HDAC9: variants seen among roughly 807,000 people sequenced by gnomAD.
The protein encoded by HDAC9 is MEF-2 interacting transcription repressor (MITR) protein.
Under a neutral mutation model 139.4 loss-of-function variants are expected in HDAC9, and 41 were observed. The ratio of observed to expected loss-of-function variants is 0.29; its 90% CI spans 0.23 to 0.38. The LOEUF (loss-of-function observed/expected upper bound fraction) is 0.38, where lower values mean the gene tolerates loss of function less well. Among genes scored for constraint, HDAC9 ranks in the 10% least tolerant of loss-of-function variants. HDAC9 has a pLI of 1.00. For synonymous variants in HDAC9, 517 were observed against 476.2 expected, an observed-to-expected ratio of 1.09 and a Z score of -1.12; for missense variants, 1,147 against 1,297.0, an observed-to-expected ratio of 0.88 and a Z score of 1.78.
chr7:18,306,469 G>A (rs967873690), intron 1 of HDAC9, among the ~76,000 whole-genome samples: 2 of 152,190 alleles, frequency 1.3e-5, no homozygotes, highest in African/African-American at 4.8e-5. Context: ...TGTTTACATG[G>A]TTTTGAAGTA....
In HDAC9 at chr7:18,765,449, G is replaced by A. The variant is rs144660476; in HGVS notation, c.2165-1657G>A. On this transcript the variant is annotated intron_variant, in intron 15 of 25. Transcript: ENST00000686413. ...AGGCTGGCAAACATGGTGAAACCCCGTCTCTACTAAAAATACAAAAATTAG... is the reference window on the plus strand; with the variant it reads ...AGGCTGGCAAACATGGTGAAACCCCATCTCTACTAAAAATACAAAAATTAG... Among the ~76,000 whole-genome samples, 916 of 151,972 alleles carry A rather than the reference G, an allele frequency of 6.0e-3. 1 individual carries two copies. The highest frequency in any genetic ancestry group is 0.023 in the South Asian group (109 of 4,790).
intron 6 of HDAC9, among the ~76,000 whole-genome samples, chr7:18,620,028 AAAAAGACTCTCT>A (rs1412152467): frequency 6.6e-6 from 1 of 152,158 alleles, no homozygotes; most frequent in African/African-American, 2.4e-5. Context: ...CACCTAGGAG[AAAAAGACTCTCT>A]GTCTTTTCTC....
intron 1 of HDAC9, among the ~76,000 whole-genome samples, chr7:18,307,097 TTG>T (rs56020648): frequency 0.063 from 8,519 of 134,678 alleles, 255 homozygotes; most frequent in Admixed American, 0.099. Flanking sequence ...AGGGCAGTTC[TTG>T]TGTGTGTGTG....
At chr7:18,122,370 A>G (rs1451172750) in intron 1 of HDAC9, among the ~76,000 whole-genome samples, 1 of 152,164 alleles carries the variant, frequency 6.6e-6, no homozygotes, top group African/African-American at 2.4e-5. Flanking sequence ...ACTGGGTTTC[A>G]GACACAGCGC....
rs996003427 is a variant in HDAC9, at chr7:18,957,898, T to C, written c.3022+3668T>C. Among the ~76,000 whole-genome samples, 8 of 152,126 alleles carry C rather than the reference T, an allele frequency of 5.3e-5. No individual in the cohort carries two copies. In the East Asian group the frequency reaches 1.2e-3, roughly 22 times the overall value. On this transcript the variant is annotated intron_variant, in intron 24 of 25. Coordinates refer to ENST00000686413, the MANE Select transcript of HDAC9 (RefSeq NM_178425.4). Reference sequence around the variant, plus strand: ...GCAACGACAGTATCAGAAAACTATGTTACTCTTGAGAAGCAGGCTTGTAGC... The same window carrying C: ...GCAACGACAGTATCAGAAAACTATGCTACTCTTGAGAAGCAGGCTTGTAGC...
chr7:18,644,095 T>C (rs1786594812), intron 8 of HDAC9, among the ~76,000 whole-genome samples: 1 of 152,138 alleles, frequency 6.6e-6, no homozygotes. Context: ...CATAACATTT[T>C]AACATTTACT....
intron 2 of HDAC9, among the ~76,000 whole-genome samples, chr7:18,231,252 A>C (rs1338187516): frequency 6.6e-6 from 1 of 152,224 alleles, no homozygotes; most frequent in Non-Finnish European, 1.5e-5. Context: ...CACAAGAATT[A>C]AATTGGATTG....
At chr7:18,377,988 G>C (rs1259375032) in intron 1 of HDAC9, among the ~76,000 whole-genome samples, 2 of 152,184 alleles carry the variant, frequency 1.3e-5, no homozygotes, top group African/African-American at 2.4e-5. Flanking sequence ...GGAGGTCTCA[G>C]ATTCCCCAGT....
intron 12 of HDAC9, among the ~76,000 whole-genome samples, chr7:18,682,962 T>C (rs1481015359): frequency 1.3e-5 from 2 of 151,976 alleles, no homozygotes; most frequent in South Asian, 2.1e-4. Context: ...GCCTGGGAGA[T>C]AGAGGGAGAC....
chr7:18,955,524 A>G (rs1002025228), intron 24 of HDAC9, among the ~76,000 whole-genome samples: 4 of 152,102 alleles, frequency 2.6e-5, no homozygotes, highest in Non-Finnish European at 5.9e-5. Flanking sequence ...GTTAAAATTG[A>G]TTGTTCCTAT....
chr7:18,206,218 G>A (rs1277229343), intron 2 of HDAC9, among the ~76,000 whole-genome samples: 1 of 152,132 alleles, frequency 6.6e-6, no homozygotes, highest in African/African-American at 2.4e-5. Context: ...TATCATTGCA[G>A]CTGTTAATTG....
chr7:18,611,753 G>A (rs953670373), intron 6 of HDAC9, among the ~76,000 whole-genome samples: 2 of 152,016 alleles, frequency 1.3e-5, no homozygotes, highest in East Asian at 3.9e-4. Context: ...AGTTTAGGTG[G>A]TGTCATTTGT....
chr7:18,958,328 A>C (rs1292122808), intron 24 of HDAC9, among the ~76,000 whole-genome samples: 1 of 152,170 alleles, frequency 6.6e-6, no homozygotes, highest in Non-Finnish European at 1.5e-5. Context: ...AATTAAAAAG[A>C]GAACTACCAT....
chr7:18,231,675 A>G (rs551341013), intron 2 of HDAC9, among the ~76,000 whole-genome samples: 27 of 152,322 alleles, frequency 1.8e-4, no homozygotes, highest in African/African-American at 6.5e-4. Flanking sequence ...GATGTGAAGG[A>G]CCAGAGCCTC....
chr7:18,397,303 G>A (rs1488959046), intron 1 of HDAC9, among the ~76,000 whole-genome samples: 1 of 152,074 alleles, frequency 6.6e-6, no homozygotes, highest in African/African-American at 2.4e-5. Context: ...TAAGAACTTT[G>A]TTGGTAAAAA....
chr7:18,522,719 G>A (rs1805482464), intron 2 of HDAC9, among the ~76,000 whole-genome samples: 1 of 152,022 alleles, frequency 6.6e-6, no homozygotes, highest in South Asian at 2.1e-4. Context: ...TAATTGAAAT[G>A]GAGCCCATGA....
intron 1 of HDAC9, among the ~76,000 whole-genome samples, chr7:18,100,087 A>T (rs1360483629): frequency 1.3e-5 from 2 of 151,998 alleles, no homozygotes; most frequent in Non-Finnish European, 2.9e-5. Context: ...TTTTTGTTGG[A>T]TATAGAATTC....
At chr7:18,146,572 G>T (rs1490874794) in intron 1 of HDAC9, among the ~76,000 whole-genome samples, 5 of 152,148 alleles carry the variant, frequency 3.3e-5, no homozygotes, top group African/African-American at 1.2e-4. Flanking sequence ...AGAGACCTTG[G>T]TTTTTTAAGA....
At chr7:18,463,870 TA>T (rs1794055698) in intron 1 of HDAC9, among the ~76,000 whole-genome samples, 1 of 151,920 alleles carries the variant, frequency 6.6e-6, no homozygotes, top group Admixed American at 6.6e-5. Flanking sequence ...GTTATCTGTT[TA>T]TTATTTATTA....
Sources: gnomAD v4.1 joint callset for allele counts (sites outside exome capture counted in the v4.1 genomes callset) on GRCh38, gnomAD v4.1.1 for gene constraint, MANE v1.5 for transcripts, NCBI Gene and HGNC (gene_info 2026-07-23, HGNC 2026-07-21) for gene names.